EXT1: variants seen among roughly 807,000 people sequenced by gnomAD.
EXT1 encodes the protein exostosin glycosyltransferase 1.
In EXT1, 20 loss-of-function variants were observed where a neutral mutation model predicts 82.5. The observed-to-expected ratio is 0.24, with a 90% CI of 0.17 to 0.35. The LOEUF is 0.35. Ranked by LOEUF, EXT1 falls within the 10% of genes least tolerant of loss-of-function variation. The pLI, the probability that EXT1 is intolerant of heterozygous loss-of-function variation, is 1.00. For missense variants in EXT1, 757 were observed against 936.5 expected (o/e 0.81, Z 2.50); for synonymous variants, 348 against 350.8 (o/e 0.99, Z 0.09).
intron 1 of EXT1, among the ~76,000 whole-genome samples, chr8:117,890,160 G>A (rs1015742856): frequency 6.6e-6 from 1 of 152,158 alleles, no homozygotes; most frequent in Non-Finnish European, 1.5e-5. Flanking sequence ...ATACAGTAGA[G>A]ATTCACTAAA....
intron 1 of EXT1, among the ~76,000 whole-genome samples, chr8:118,053,975 A>G (rs1486310091): frequency 6.6e-6 from 1 of 152,130 alleles, no homozygotes; most frequent in Non-Finnish European, 1.5e-5. Flanking sequence ...GGCAGTCAGG[A>G]GATATTTTTG....
intron 1 of EXT1, among the ~76,000 whole-genome samples, chr8:117,864,546 G>A (rs921886889): frequency 2.6e-5 from 4 of 152,078 alleles, no homozygotes; most frequent in East Asian, 3.9e-4. Flanking sequence ...TCAGGAGATC[G>A]AGACCATCCT....
chr8:118,007,639 G>A (rs1403891787), intron 1 of EXT1, among the ~76,000 whole-genome samples: 1 of 152,174 alleles, frequency 6.6e-6, no homozygotes, highest in Non-Finnish European at 1.5e-5. Context: ...AAATACAAAA[G>A]ACGAAGAAGA....
intron 4 of EXT1, among the ~76,000 whole-genome samples, chr8:117,823,765 C>A (rs1166954258): frequency 6.6e-6 from 1 of 152,116 alleles, no homozygotes; most frequent in Non-Finnish European, 1.5e-5. Flanking sequence ...GGAGGAAATT[C>A]AAAAGAACTC....
chr8:118,105,470 T>C (rs1189006403), intron 1 of EXT1, among the ~76,000 whole-genome samples: 2 of 152,190 alleles, frequency 1.3e-5, no homozygotes, highest in Non-Finnish European at 2.9e-5. Context: ...AATACAAATG[T>C]CCCTGAAAGT....
At chr8:117,998,015 C>T (rs1815583658) in intron 1 of EXT1, among the ~76,000 whole-genome samples, 1 of 125,664 alleles carries the variant, frequency 8.0e-6, no homozygotes. Context: ...TTTTATTTTA[C>T]TTTTTTTTTT....
At chr8:118,030,218 A>C (rs1816281935) in intron 1 of EXT1, among the ~76,000 whole-genome samples, 1 of 151,820 alleles carries the variant, frequency 6.6e-6, no homozygotes, top group Non-Finnish European at 1.5e-5. Context: ...GATTACTTCT[A>C]AACTATGTTT....
chr8:117,854,413 G>A (rs1812505916), intron 1 of EXT1, among the ~76,000 whole-genome samples: 2 of 151,964 alleles, frequency 1.3e-5, no homozygotes, highest in African/African-American at 4.8e-5. Context: ...AAAAAAACTG[G>A]AAGAAAAAGT....
At chr8:117,823,351 G>C (rs963641845) in intron 4 of EXT1, among the ~76,000 whole-genome samples, 1 of 151,880 alleles carries the variant, frequency 6.6e-6, no homozygotes, top group Non-Finnish European at 1.5e-5. Flanking sequence ...CTCCCATCCC[G>C]AATCATTTGT....
Position 118,003,288 on chromosome 8 carries a change from C to T in EXT1, c.962+106797G>A, listed in dbSNP as rs1815709687. 2.0e-5 allele frequency among the ~76,000 whole-genome samples: 3 copies of T among 152,018 alleles called. No homozygotes were observed. The South Asian group carries it at 6.2e-4, about 32-fold the overall frequency. On this transcript the variant is annotated intron_variant, in intron 1 of 10. Coordinates refer to ENST00000378204, the MANE Select transcript of EXT1 (RefSeq NM_000127.3). ...GAGGGATGAGGAATAAAAGACTACA[C>T]ATTGGGTATAGTTACACTGCTCGGA...
intron 1 of EXT1, among the ~76,000 whole-genome samples, chr8:117,938,492 C>T (rs1814212814): frequency 6.8e-6 from 1 of 147,970 alleles, no homozygotes; most frequent in Non-Finnish European, 1.5e-5. Flanking sequence ...TAATAATAAA[C>T]AAAATTTAAA....
intron 1 of EXT1, among the ~76,000 whole-genome samples, chr8:118,016,836 T>C (rs1407051768): frequency 2.0e-5 from 3 of 152,210 alleles, no homozygotes; most frequent in Non-Finnish European, 4.4e-5. Context: ...AAGCTTTCCA[T>C]GCCATCACAA....
chr8:117,882,833 C>T (rs1035083333), intron 1 of EXT1, among the ~76,000 whole-genome samples: 3 of 151,756 alleles, frequency 2.0e-5, no homozygotes, highest in African/African-American at 7.3e-5. Flanking sequence ...AAAAATTAGC[C>T]AGGCATGATG....
At chr8:117,906,389 A>C (rs1813544536) in intron 1 of EXT1, among the ~76,000 whole-genome samples, 1 of 152,222 alleles carries the variant, frequency 6.6e-6, no homozygotes, top group African/African-American at 2.4e-5. Context: ...TGCCTGTGAC[A>C]GACTAAAGTA....
intron 10 of EXT1, among the ~76,000 whole-genome samples, chr8:117,802,989 C>G (rs1286513849): frequency 6.6e-6 from 1 of 152,122 alleles, no homozygotes; most frequent in Non-Finnish European, 1.5e-5. Flanking sequence ...AACATGAGGC[C>G]TAGCTAAGAT....
chr8:118,066,128 C>T (rs1012988603), intron 1 of EXT1, among the ~76,000 whole-genome samples: 1 of 152,156 alleles, frequency 6.6e-6, no homozygotes, highest in East Asian at 1.9e-4. Flanking sequence ...TTGAACTGCT[C>T]ATTCCCACCT....
chr8:118,084,117 A>C (rs1817379321), intron 1 of EXT1, among the ~76,000 whole-genome samples: 1 of 152,156 alleles, frequency 6.6e-6, no homozygotes, highest in South Asian at 2.1e-4. Flanking sequence ...GTAATATACA[A>C]ACCACTGATC....
chr8:117,829,633 G>C (rs1026810425), intron 4 of EXT1, among the ~76,000 whole-genome samples: 4 of 138,518 alleles, frequency 2.9e-5, no homozygotes, highest in Non-Finnish European at 4.6e-5. Context: ...GAGTATAATG[G>C]TGCAATCTCA....
At chr8:117,942,989 T>C (rs1160385024) in intron 1 of EXT1, among the ~76,000 whole-genome samples, 2 of 152,184 alleles carry the variant, frequency 1.3e-5, no homozygotes, top group African/African-American at 4.8e-5. Context: ...AACGTCTTTT[T>C]GAATACAAAG....
Sources: gnomAD v4.1 joint callset for allele counts (sites outside exome capture counted in the v4.1 genomes callset) on GRCh38, gnomAD v4.1.1 for gene constraint, MANE v1.5 for transcripts, NCBI Gene and HGNC (gene_info 2026-07-23, HGNC 2026-07-21) for gene names.